DACH2: variants seen among roughly 807,000 people sequenced by gnomAD.
DACH2 encodes the protein dachshund family transcription factor 2.
Under a neutral mutation model 35.8 loss-of-function variants are expected in DACH2, and 17 were observed. That is an observed-to-expected ratio of 0.48 (90% CI 0.33 to 0.71). DACH2 has a LOEUF of 0.71. DACH2 is among the 30% of genes least tolerant of loss of function. The probability of loss-of-function intolerance (pLI) is 0.02; values close to 1 mark genes in which losing one functional copy is unlikely to be tolerated. For missense variants in DACH2, 469 were observed against 472.7 expected (o/e 0.99, Z 0.07); for synonymous variants, 195 against 177.3 (o/e 1.10, Z -0.79).
chrX:86,813,799 T>C (rs1752291238), intron 9 of DACH2, among the ~76,000 whole-genome samples: 1 of 110,854 alleles, frequency 9.0e-6, no homozygotes, highest in African/African-American at 3.3e-5. Flanking sequence ...TGAAAACTAG[T>C]AGCTATGTTA....
chrX:86,785,573 A>C (rs1443155071), intron 7 of DACH2, among the ~76,000 whole-genome samples: 3 of 112,095 alleles, frequency 2.7e-5, no homozygotes, highest in Non-Finnish European at 5.6e-5. Context: ...ACAAAAGCTT[A>C]ATTGAAGTAA....
intron 1 of DACH2, among the ~76,000 whole-genome samples, chrX:86,273,009 C>T (rs773541842): frequency 2.3e-3 from 261 of 111,213 alleles, no homozygotes; most frequent in Non-Finnish European, 3.6e-3. Flanking sequence ...AAGTTGTTTC[C>T]TTCCTTTGTA....
intron 1 of DACH2, among the ~76,000 whole-genome samples, chrX:86,291,016 G>C (rs1264472003): frequency 2.8e-5 from 3 of 105,914 alleles, no homozygotes; most frequent in African/African-American, 6.9e-5. Context: ...ACCTTGGGCA[G>C]TATGGCCATT....
intron 3 of DACH2, among the ~76,000 whole-genome samples, chrX:86,644,999 G>C (rs1170306023): frequency 9.0e-6 from 1 of 110,622 alleles, no homozygotes; most frequent in African/African-American, 3.3e-5. Flanking sequence ...CCTGGACCTA[G>C]GAATGGGCAA....
chrX:86,364,424 G>C (rs188354935), intron 1 of DACH2, among the ~76,000 whole-genome samples: 1 of 111,777 alleles, frequency 8.9e-6, no homozygotes, highest in African/African-American at 3.2e-5. Context: ...CTAACAATGC[G>C]TAGAGGGGAA....
intron 2 of DACH2, among the ~76,000 whole-genome samples, chrX:86,399,605 G>T (rs894478115): frequency 9.0e-6 from 1 of 111,390 alleles, no homozygotes; most frequent in African/African-American, 3.3e-5. Context: ...GCATTTGCTT[G>T]TCTGTAAAGG....
rs2038913004 is a variant in DACH2 at position 86,543,419 on chromosome X, A to T, written c.640+29028A>T. Among the ~76,000 whole-genome samples the T allele has an allele frequency of 6.3e-5, 7 of 111,923 alleles. No individual in the cohort carries two copies. In the Admixed American group the frequency reaches 6.6e-4, roughly 11 times the overall value. ...GAACTGTCACAAGTCAAAAAGACAG[A>T]ATGTCTTCTCACCTCCAAACGACTG... On this transcript the variant is annotated intron_variant, in intron 3 of 11. Transcript: ENST00000373125.
At chrX:86,813,395 G>A in intron 9 of DACH2, 118 bp downstream of exon 9, 1 of 544,139 alleles carries the variant, frequency 1.8e-6, no homozygotes, top group Non-Finnish European at 2.7e-6. Flanking sequence ...GAGGTCAGGA[G>A]ATTGAGACCA....
At chrX:86,743,930 A>T (rs953351139) in intron 7 of DACH2, among the ~76,000 whole-genome samples, 2 of 111,264 alleles carry the variant, frequency 1.8e-5, no homozygotes, top group African/African-American at 6.5e-5. Flanking sequence ...CCATGTCATG[A>T]TTATTTAAAG....
At chrX:86,811,191 G>C (rs985149156) in intron 7 of DACH2, among the ~76,000 whole-genome samples, 1 of 111,173 alleles carries the variant, frequency 9.0e-6, no homozygotes, top group Non-Finnish European at 1.9e-5. Context: ...CTATTGGTTT[G>C]GAAAAATAAA....
intron 4 of DACH2, among the ~76,000 whole-genome samples, chrX:86,663,055 T>A (rs996369515): frequency 5.4e-5 from 6 of 111,191 alleles, no homozygotes; most frequent in Admixed American, 1.9e-4. Context: ...TAGAACACAA[T>A]TATGGACAGT....
At chrX:86,594,561 A>G (rs973921743) in intron 3 of DACH2, among the ~76,000 whole-genome samples, 3 of 108,698 alleles carry the variant, frequency 2.8e-5, no homozygotes, top group Admixed American at 9.8e-5. Context: ...TTTATCTTGA[A>G]ACTTTTTTTT....
chrX:86,345,455 G>A (rs1405650350), intron 1 of DACH2: 2 of 291,673 alleles, frequency 6.9e-6, no homozygotes, highest in Non-Finnish European at 1.3e-5. Context: ...AGGAAAGATT[G>A]TAAAGAAAAG....
At chrX:86,223,733 G>A (rs17325389) in intron 1 of DACH2, among the ~76,000 whole-genome samples, 17,944 of 111,406 alleles carry the variant, frequency 0.16, 1,341 homozygotes, top group East Asian at 0.39. Flanking sequence ...GGTCCAAACC[G>A]AAAAGGACAT....
intron 3 of DACH2, among the ~76,000 whole-genome samples, chrX:86,539,611 TAAAA>T (rs1189940203): frequency 9.0e-6 from 1 of 111,657 alleles, no homozygotes; most frequent in Admixed American, 9.5e-5. Context: ...AATTTGGTGA[TAAAA>T]AACTGCTCTA....
At chrX:86,293,808 G>T (rs1355149417) in intron 1 of DACH2, among the ~76,000 whole-genome samples, 5 of 111,291 alleles carry the variant, frequency 4.5e-5, no homozygotes, top group Non-Finnish European at 9.4e-5. Flanking sequence ...TAGTCTGATG[G>T]GCTTCCCTTT....
At chrX:86,676,877 C>T (rs981226056) in intron 4 of DACH2, among the ~76,000 whole-genome samples, 1 of 111,157 alleles carries the variant, frequency 9.0e-6, no homozygotes, top group African/African-American at 3.3e-5. Context: ...TGGGCAAAGG[C>T]ATCCATCACC....
chrX:86,253,736 C>A (rs773210546), intron 1 of DACH2, among the ~76,000 whole-genome samples: 1 of 110,992 alleles, frequency 9.0e-6, no homozygotes, highest in South Asian at 3.8e-4. Context: ...GTTTAAGAAC[C>A]AGATGGATTT....
At chrX:86,286,351 A>C in intron 1 of DACH2, among the ~76,000 whole-genome samples, 1 of 109,848 alleles carries the variant, frequency 9.1e-6, no homozygotes. Context: ...AGGTTGGTCT[A>C]GATCTCCTGA....
Sources: allele counts gnomAD v4.1 joint callset (sites outside exome capture counted in the v4.1 genomes callset), GRCh38; gene constraint gnomAD v4.1.1; transcripts MANE v1.5; gene names NCBI Gene and HGNC (gene_info 2026-07-23, HGNC 2026-07-21).